RHBDD1: variants seen among roughly 807,000 people sequenced by gnomAD.
RHBDD1 encodes the protein rhomboid-related protein 4.
A neutral mutation model predicts 36.3 loss-of-function variants in RHBDD1; 38 were observed. The observed-to-expected ratio is 1.05, with a 90% CI of 0.81 to 1.37. RHBDD1 has a LOEUF of 1.37. Among genes scored for constraint, RHBDD1 ranks in the 40% most tolerant of loss-of-function variants. The probability of loss-of-function intolerance (pLI) is 0.00; values close to 1 mark genes in which losing one functional copy is unlikely to be tolerated. For missense variants in RHBDD1, 393 were observed against 377.6 expected (o/e 1.04, Z -0.34); for synonymous variants, 151 against 136.5 (o/e 1.11, Z -0.74).
upstream of RHBDD1, among the ~76,000 whole-genome samples, chr2:226,832,017 A>G (rs1328551996): frequency 7.1e-6 from 1 of 140,300 alleles, no homozygotes; most frequent in Non-Finnish European, 1.6e-5. Flanking sequence ...TTTGTTACTT[A>G]TTTTATTGAT....
chr2:226,927,087 A>T (rs1430502896), intron 8 of RHBDD1, among the ~76,000 whole-genome samples: 1 of 151,788 alleles, frequency 6.6e-6, no homozygotes, highest in Non-Finnish European at 1.5e-5. Flanking sequence ...ATTACCCATC[A>T]CTCTCCCTTT....
intron 5 of RHBDD1, among the ~76,000 whole-genome samples, chr2:226,893,851 C>T (rs1164688881): frequency 6.6e-6 from 1 of 152,146 alleles, no homozygotes; most frequent in Non-Finnish European, 1.5e-5. Flanking sequence ...CCTCTACACA[C>T]AGCACTACTG....
chr2:226,905,190 AT>A (rs1163700003), intron 5 of RHBDD1, among the ~76,000 whole-genome samples: 1 of 148,030 alleles, frequency 6.8e-6, no homozygotes, highest in Non-Finnish European at 1.5e-5. Flanking sequence ...CTAATTTTGT[AT>A]AATGTATGAA....
chr2:226,972,303 C>T (rs553628737), intron 8 of RHBDD1, among the ~76,000 whole-genome samples: 1 of 152,068 alleles, frequency 6.6e-6, no homozygotes, highest in South Asian at 2.1e-4. Context: ...GTATATGTGC[C>T]ACATTTTCTT....
chr2:226,929,218 T>TA (rs1434528972), intron 8 of RHBDD1, among the ~76,000 whole-genome samples: 1 of 151,954 alleles, frequency 6.6e-6, no homozygotes, highest in East Asian at 1.9e-4. Context: ...TACAGACAAA[T>TA]ATCTCTGATG....
chr2:226,987,717 T>C (rs895640568), intron 8 of RHBDD1, among the ~76,000 whole-genome samples: 1 of 152,222 alleles, frequency 6.6e-6, no homozygotes, highest in Non-Finnish European at 1.5e-5. Flanking sequence ...ACCCCAGATA[T>C]GAACCCACAT....
chr2:226,876,918 G>T (rs538414073), intron 5 of RHBDD1, among the ~76,000 whole-genome samples: 1 of 152,200 alleles, frequency 6.6e-6, no homozygotes, highest in Non-Finnish European at 1.5e-5. Flanking sequence ...GAGATGAATG[G>T]CAATTTTTTT....
intron 5 of RHBDD1, among the ~76,000 whole-genome samples, chr2:226,876,721 G>T (rs1434058548): frequency 6.6e-6 from 1 of 151,950 alleles, no homozygotes; most frequent in Non-Finnish European, 1.5e-5. Flanking sequence ...AAGAGTTTTG[G>T]TTTATGTGGG....
intron 5 of RHBDD1, among the ~76,000 whole-genome samples, chr2:226,894,376 T>C (rs1029140768): frequency 1.3e-5 from 2 of 152,136 alleles, no homozygotes; most frequent in Non-Finnish European, 2.9e-5. Flanking sequence ...CTCAAGTGAT[T>C]CTCCTGCCTC....
chr2:226,866,432 G>A (rs965721654), intron 4 of RHBDD1, among the ~76,000 whole-genome samples: 1 of 152,054 alleles, frequency 6.6e-6, no homozygotes, highest in Non-Finnish European at 1.5e-5. Flanking sequence ...ACTGTTGAGG[G>A]ATTGTCTTGA....
At chr2:226,987,988 A>G (rs1957376182) in intron 8 of RHBDD1, among the ~76,000 whole-genome samples, 1 of 152,158 alleles carries the variant, frequency 6.6e-6, no homozygotes, top group South Asian at 2.1e-4. Context: ...TTCTGTGCAT[A>G]GGGCCAGGGC....
At chr2:226,940,130 A>T (rs1950573870) in intron 8 of RHBDD1, among the ~76,000 whole-genome samples, 1 of 152,216 alleles carries the variant, frequency 6.6e-6, no homozygotes, top group Non-Finnish European at 1.5e-5. Context: ...TGGATCAAAG[A>T]CTTAAATGTA....
At chr2:226,895,565 C>T in intron 5 of RHBDD1, 1 of 516,258 alleles carries the variant, frequency 1.9e-6, no homozygotes, top group Non-Finnish European at 2.5e-6. Flanking sequence ...AACCTCTGTG[C>T]CCAATTAAGG....
At chr2:226,959,016 G>T (rs1380514959) in intron 8 of RHBDD1, among the ~76,000 whole-genome samples, 2 of 152,038 alleles carry the variant, frequency 1.3e-5, no homozygotes, top group Admixed American at 6.6e-5. Context: ...TATCTGACTG[G>T]TAATAGTTCT....
At chr2:226,831,468 G>A (rs149067120), upstream of RHBDD1, among the ~76,000 whole-genome samples, 130 of 152,232 alleles carry the variant, frequency 8.5e-4, 3 homozygotes, top group East Asian at 0.024. Context: ...AGACAGGCAC[G>A]TGAGGGAACA....
chr2:226,820,644 CAAAAAAAAAAAAAAAAA>C, the RHBDD1 span, among the ~76,000 whole-genome samples: 31 of 63,546 alleles, frequency 4.9e-4, no homozygotes, highest in African/African-American at 1.1e-3. Context: ...TCCATCTCCA[CAAAAAAAAAAAAAAAAA>C]AAAAAAAAGA....
chr2:226,957,889 G>GTAAATTATATTTAAAGATAAA (rs1384496390), intron 8 of RHBDD1, among the ~76,000 whole-genome samples: 120 of 152,244 alleles, frequency 7.9e-4, no homozygotes, highest in African/African-American at 2.8e-3. Flanking sequence ...TATTTTTAAA[G>GTAAATTATATTTAAAGATAAA]GCAATCTTAG....
rs577343065 is a variant in RHBDD1 at position 226,888,089 on chromosome 2, G to T, written c.567-18704G>T. Among the ~76,000 whole-genome samples the T allele has an allele frequency of 2.0e-3, 305 of 152,296 alleles. 1 individual carries two copies. The highest frequency in any genetic ancestry group is 3.3e-3 in the Non-Finnish European group (225 of 68,028). On this transcript the variant is annotated intron_variant, in intron 5 of 8. Coordinates refer to ENST00000392062, the MANE Select transcript of RHBDD1 (RefSeq NM_001167608.3). ...CTGAATCGGAAGTGAGGACATGTTA[G>T]ACATGGAAGATAGTTTACTTCTAGT...
chr2:226,898,064 G>A (rs1249185833), intron 5 of RHBDD1, among the ~76,000 whole-genome samples: 1 of 152,112 alleles, frequency 6.6e-6, no homozygotes, highest in African/African-American at 2.4e-5. Context: ...TCATTCACCC[G>A]CAAGGGAGGA....
Sources: allele counts gnomAD v4.1 joint callset (sites outside exome capture counted in the v4.1 genomes callset), GRCh38; gene constraint gnomAD v4.1.1; transcripts MANE v1.5; gene names NCBI Gene and HGNC (gene_info 2026-07-23, HGNC 2026-07-21).